OSBPL3: variants seen among roughly 807,000 people sequenced by gnomAD.
OSBPL3 encodes the protein oxysterol-binding protein-related protein 3.
In OSBPL3, 65 loss-of-function variants were observed where a neutral mutation model predicts 120.1. That is an observed-to-expected ratio of 0.54 (90% confidence interval 0.44 to 0.67). OSBPL3 has a LOEUF of 0.67. Ranked by LOEUF, OSBPL3 falls within the 30% of genes least tolerant of loss-of-function variation. The pLI, the probability that OSBPL3 is intolerant of heterozygous loss-of-function variation, is 0.00. For missense variants in OSBPL3, 1,004 were observed against 1,082.1 expected, an observed-to-expected ratio of 0.93 and a Z score of 1.01; for synonymous variants, 416 against 402.6, an observed-to-expected ratio of 1.03 and a Z score of -0.40.
chr7:24,802,685 T>C lies in OSBPL3; in HGVS notation c.2567+1630A>G, dbSNP rs1032628870. 6.6e-6 allele frequency among the ~76,000 whole-genome samples: 1 copy of C among 152,238 alleles called. No homozygotes were observed. Among genetic ancestry groups the C allele is most frequent in the African/African-American group, 2.4e-5 (1 of 41,464 alleles). On this transcript the variant is annotated intron_variant, in intron 22 of 22. Transcript: ENST00000313367. The surrounding 1 kb of genome is among the most constrained non-coding windows in gnomAD (Gnocchi z 4.1). ...GAGACAGTTTGGTTACCTACCATTT[T>C]TAATGATCCTAAAAAGTACTGTAAT...
chr7:24,970,709 G>A (rs1160135123), intron 1 of OSBPL3, among the ~76,000 whole-genome samples: 1 of 152,164 alleles, frequency 6.6e-6, no homozygotes, highest in Non-Finnish European at 1.5e-5. Context: ...CTACTTCTAG[G>A]TAGCACCTTG....
At chr7:24,971,763 C>T (rs1817050841) in intron 1 of OSBPL3, among the ~76,000 whole-genome samples, 1 of 90,908 alleles carries the variant, frequency 1.1e-5, no homozygotes. Flanking sequence ...AACGAGGTAG[C>T]GTAAGTAAAG....
intron 12 of OSBPL3, 93 bp downstream of exon 12, chr7:24,848,976 G>A (rs992675220): frequency 1.5e-5 from 13 of 849,002 alleles, no homozygotes; most frequent in African/African-American, 5.0e-5. Flanking sequence ...CAGCACCCAT[G>A]AGGGGAAGCA....
At chr7:24,957,261 C>T (rs1171013191) in intron 1 of OSBPL3, among the ~76,000 whole-genome samples, 1 of 151,900 alleles carries the variant, frequency 6.6e-6, no homozygotes, top group Non-Finnish European at 1.5e-5. Context: ...CAATGCCTGC[C>T]TTCCGGTCAA....
chr7:24,863,061 G>T lies in OSBPL3; in HGVS notation c.870+139C>A. ...TAATCTAAGTGATTCAATTCATCTC[G>T]CTACAGAGGACACTGGAAAGAACAA... On this transcript the variant is annotated intron_variant, in intron 9 of 22. Transcript: ENST00000313367. This position sits in a 1 kb window ranked among gnomAD's most constrained non-coding sequence, Gnocchi z 5.8. 1 of 645,844 alleles carries T rather than the reference G, an allele frequency of 1.5e-6. No individual in the cohort carries two copies. The allele number at this position is 645,844 out of a possible 1,614,324, so 40.0% of individuals were successfully genotyped here. A position where few individuals can be genotyped will look rare whatever the true frequency, so the allele number is the denominator to read the frequency against.
At chr7:24,886,758 C>T (rs750540288) in intron 2 of OSBPL3, among the ~76,000 whole-genome samples, 4 of 152,194 alleles carry the variant, frequency 2.6e-5, no homozygotes, top group Non-Finnish European at 4.4e-5. Flanking sequence ...ATTAGCCAAG[C>T]TCAAGGTTCC....
chr7:24,909,075 A>C (rs1331768153), intron 1 of OSBPL3, among the ~76,000 whole-genome samples: 1 of 152,204 alleles, frequency 6.6e-6, no homozygotes. Flanking sequence ...CACAGAACTC[A>C]TGATACATTT....
At chr7:24,904,918 G>GGTGTGTATGT (rs1807642969) in intron 1 of OSBPL3, among the ~76,000 whole-genome samples, 1 of 132,860 alleles carries the variant, frequency 7.5e-6, no homozygotes, top group African/African-American at 2.9e-5. Context: ...ATAATATACA[G>GGTGTGTATGT]GTGTGTGTGT....
Position 24,912,894 on chromosome 7 carries a change from A to G in OSBPL3, c.-149-20273T>C, listed in dbSNP as rs1014635884. Reference sequence around the variant, plus strand: ...TTCTGAGGCTGCATTAGAAATGGCAATGTAACTTCCACTTGTCCTGTTGTC... The same window carrying G: ...TTCTGAGGCTGCATTAGAAATGGCAGTGTAACTTCCACTTGTCCTGTTGTC... On this transcript the variant is annotated intron_variant, in intron 1 of 22. Transcript: ENST00000313367. The surrounding 1 kb of genome is among the most constrained non-coding windows in gnomAD (Gnocchi z 4.5). Among the ~76,000 whole-genome samples the G allele has an allele frequency of 6.6e-6, 1 of 152,202 alleles. No individual in the cohort carries two copies. The highest frequency in any genetic ancestry group is 2.4e-5 in the African/African-American group (1 of 41,446).
In OSBPL3 at chr7:24,939,712, C is replaced by T. The variant is rs1812850626; in HGVS notation, c.-150+40174G>A. Among the ~76,000 whole-genome samples the T allele has an allele frequency of 6.6e-6, 1 of 152,064 alleles. No individual in the cohort carries two copies. The highest frequency in any genetic ancestry group is 2.4e-5 in the African/African-American group (1 of 41,404). On this transcript the variant is annotated intron_variant, in intron 1 of 22. Transcript: ENST00000313367. The surrounding 1 kb of genome is among the most constrained non-coding windows in gnomAD (Gnocchi z 4.2). ...CACCCTAATAGTCAACAGTATCAAACATTAACAGGCCAAAATGTCATCAAG... is the reference window on the plus strand; with the variant it reads ...CACCCTAATAGTCAACAGTATCAAATATTAACAGGCCAAAATGTCATCAAG...
At chr7:24,848,993 T>G in intron 12 of OSBPL3, 76 bp downstream of exon 12, 1 of 984,292 alleles carries the variant, frequency 1.0e-6, no homozygotes, top group Non-Finnish European at 1.6e-6. Flanking sequence ...AGCAGGGAGG[T>G]CGTGCAATGG....
intron 1 of OSBPL3, among the ~76,000 whole-genome samples, chr7:24,926,346 A>C (rs1443619820): frequency 3.3e-5 from 5 of 152,246 alleles, no homozygotes; most frequent in African/African-American, 1.2e-4. Context: ...AATGTAAAGA[A>C]AAACAGATGC....
At position 24,980,133 on chromosome 7, in the gene OSBPL3, G is replaced by T; in HGVS notation, c.-397C>A. 1.3e-6 allele frequency: 1 copy of T among 784,966 alleles called. No homozygotes were observed. The highest frequency in any genetic ancestry group is 1.5e-6 in the Non-Finnish European group (1 of 646,822). The allele number at this position is 784,966 out of a possible 1,614,324, so 48.6% of individuals were successfully genotyped here. On this transcript the variant is annotated 5_prime_UTR_variant, in exon 1 of 23. Coordinates refer to ENST00000313367, the MANE Select transcript of OSBPL3 (RefSeq NM_015550.4). ...CCCTCTCCCGGGCCGGCTGGCGGGCGCCACCAGCACGCGGCCAGTTCTGAG... is the reference window on the plus strand; with the variant it reads ...CCCTCTCCCGGGCCGGCTGGCGGGCTCCACCAGCACGCGGCCAGTTCTGAG...
chr7:24,834,403 CT>C lies in OSBPL3; in HGVS notation c.1746+82del, dbSNP rs1562795085. 6.5e-7 allele frequency: 1 copy of C among 1,542,506 alleles called. No individual in the cohort carries two copies. Among genetic ancestry groups the C allele is most frequent in the Admixed American group, 2.0e-5 (1 of 49,616 alleles). The stretch of plus-strand genomic sequence containing the variant: ...AAAATGAAACCGGAGGGAACAGGGG[CT>C]GTCTCTCTGATGGGCCCCGTGAATG... On this transcript the variant is annotated intron_variant, in intron 15 of 22. Coordinates refer to ENST00000313367, the MANE Select transcript of OSBPL3 (RefSeq NM_015550.4). This position sits in a 1 kb window ranked among gnomAD's most constrained non-coding sequence, Gnocchi z 5.2.
rs1272417803 is a variant in OSBPL3, at chr7:24,867,517, G to A, written c.382-1280C>T. On this transcript the variant is annotated intron_variant, in intron 5 of 22. Transcript: ENST00000313367. The surrounding 1 kb of genome is among the most constrained non-coding windows in gnomAD (Gnocchi z 4.5). The stretch of plus-strand genomic sequence containing the variant: ...TCCCATGGTGTTCTCGTGGTGGTGC[G>A]TGGGTCTCGCAAGATCTGGTGGTAT... Among the ~76,000 whole-genome samples the A allele has an allele frequency of 3.9e-5, 6 of 152,118 alleles. No homozygotes were observed. Among genetic ancestry groups the A allele is most frequent in the East Asian group, 1.9e-4 (1 of 5,190 alleles).
At chr7:24,973,564 GA>G (rs2128544226) in intron 1 of OSBPL3, among the ~76,000 whole-genome samples, 2 of 152,292 alleles carry the variant, frequency 1.3e-5, no homozygotes, top group African/African-American at 4.8e-5. Context: ...TTTCCAAGAT[GA>G]AGGAAATATA....
Position 24,936,695 on chromosome 7 carries a change from G to C in OSBPL3, c.-150+43191C>G, listed in dbSNP as rs1812463723. ...GGCACAAATACTTTGAGGGCCTGCT[G>C]GAGAACAGGTATGTAGAAGTTAGGG... On this transcript the variant is annotated intron_variant, in intron 1 of 22. Coordinates refer to ENST00000313367, the MANE Select transcript of OSBPL3 (RefSeq NM_015550.4). This position sits in a 1 kb window ranked among gnomAD's most constrained non-coding sequence, Gnocchi z 4.2. Among the ~76,000 whole-genome samples, 1 of 152,196 alleles carries C rather than the reference G, an allele frequency of 6.6e-6. No individual in the cohort carries two copies. Among genetic ancestry groups the C allele is most frequent in the Non-Finnish European group, 1.5e-5 (1 of 68,034 alleles).
At chr7:24,904,571 T>C (rs974333862) in intron 1 of OSBPL3, among the ~76,000 whole-genome samples, 1 of 152,200 alleles carries the variant, frequency 6.6e-6, no homozygotes, top group Non-Finnish European at 1.5e-5. Context: ...TGCCATTTTA[T>C]ATCAGGAACC....
rs1298314845 is a variant in OSBPL3, at chr7:24,799,446, T to C, written c.*737A>G. ...TTCCTACTGTCTCTCTGGGATGCTA[T>C]TGTGATATTTAATTAATTGGAATTC... On this transcript the variant is annotated 3_prime_UTR_variant, in exon 23 of 23. Transcript: ENST00000313367. The surrounding 1 kb of genome is among the most constrained non-coding windows in gnomAD (Gnocchi z 5.3). The C allele has an allele frequency of 2.0e-5, 3 of 152,204 alleles. No individual in the cohort carries two copies. The highest frequency in any genetic ancestry group is 2.9e-5 in the Non-Finnish European group (2 of 68,032). The allele number at this position is 152,204 out of a possible 1,614,324, so 9.4% of individuals were successfully genotyped here.
Sources: gnomAD v4.1 joint callset for allele counts (sites outside exome capture counted in the v4.1 genomes callset) on GRCh38, gnomAD v4.1.1 for gene constraint, Gnocchi (gnomAD v3.1) non-coding constraint, MANE v1.5 for transcripts, NCBI Gene and HGNC (gene_info 2026-07-23, HGNC 2026-07-21) for gene names.